PALS2: variants seen among roughly 807,000 people sequenced by gnomAD.
The protein encoded by PALS2 is protein PALS2.
In PALS2, 27 loss-of-function variants were observed where a neutral mutation model predicts 61.6. That is an observed-to-expected ratio of 0.44 (90% CI 0.32 to 0.60). PALS2 has a LOEUF of 0.60. Among genes scored for constraint, PALS2 ranks in the 20% least tolerant of loss-of-function variants. The pLI, the probability that PALS2 is intolerant of heterozygous loss-of-function variation, is 0.05. For synonymous variants in PALS2, 236 were observed against 218.6 expected (o/e 1.08, Z -0.70); for missense variants, 554 against 639.4 (o/e 0.87, Z 1.44).
intron 2 of PALS2, among the ~76,000 whole-genome samples, chr7:24,630,849 A>G (rs1055237353): frequency 1.3e-5 from 2 of 152,192 alleles, no homozygotes; most frequent in Non-Finnish European, 2.9e-5. Context: ...TGTGCTACAT[A>G]TTTTAATCCC....
rs1191064383 is a variant in PALS2, at chr7:24,575,125, C to T, written c.-3+1532C>T. Reference sequence around the variant, plus strand: ...TCCATGTTTCCTTCATTCTGGACTACGGTTACATAATACACAAATGGTAAC... The same window carrying T: ...TCCATGTTTCCTTCATTCTGGACTATGGTTACATAATACACAAATGGTAAC... On this transcript the variant is annotated intron_variant, in intron 1 of 11. Coordinates refer to ENST00000222644, the MANE Select transcript of PALS2 (RefSeq NM_001303037.2). Among the ~76,000 whole-genome samples, 4 of 152,132 alleles carry T rather than the reference C, an allele frequency of 2.6e-5. No homozygotes were observed. The South Asian group carries it at 8.3e-4, about 32-fold the overall frequency.
At chr7:24,587,777 TA>T (rs1459936549) in intron 1 of PALS2, among the ~76,000 whole-genome samples, 1 of 152,104 alleles carries the variant, frequency 6.6e-6, no homozygotes, top group Non-Finnish European at 1.5e-5. Context: ...TTCAATTTCA[TA>T]AAAGAACACT....
At chr7:24,682,621 TAAA>T (rs927393199) in intron 11 of PALS2, among the ~76,000 whole-genome samples, 21 of 152,202 alleles carry the variant, frequency 1.4e-4, no homozygotes, top group African/African-American at 4.6e-4. Flanking sequence ...TATAGTGTCT[TAAA>T]AAGTGTTGTT....
At chr7:24,665,979 C>T in intron 7 of PALS2, 42 bp from the exon 8 acceptor site, 5 of 1,549,588 alleles carry the variant, frequency 3.2e-6, no homozygotes, top group Admixed American at 1.8e-5. Context: ...TTTTCATATT[C>T]TGATATACTG....
At chr7:24,580,810 A>G (rs1583823352) in intron 1 of PALS2, among the ~76,000 whole-genome samples, 1 of 152,240 alleles carries the variant, frequency 6.6e-6, no homozygotes, top group African/African-American at 2.4e-5. Flanking sequence ...GCGTTTAGTC[A>G]TAGTTAATGC....
intron 9 of PALS2, among the ~76,000 whole-genome samples, chr7:24,678,683 C>T (rs1787753808): frequency 6.6e-6 from 1 of 152,140 alleles, no homozygotes; most frequent in Non-Finnish European, 1.5e-5. Context: ...TCACAACATG[C>T]CTCAAACACT....
chr7:24,684,993 G>A (rs1322108882), intron 11 of PALS2, among the ~76,000 whole-genome samples: 1 of 151,262 alleles, frequency 6.6e-6, no homozygotes, highest in Non-Finnish European at 1.5e-5. Context: ...TGTACAGGAT[G>A]TGCGGGTTTG....
chr7:24,573,757 A>AGGCGGC lies in PALS2; in HGVS notation c.-3+175_-3+180dup, dbSNP rs1310044823. ...GCGGGCGCGGGGAAGAGGGACCGGCAGGCGGCGGCGGCGGCGCCGCGGTCG... is the reference window on the plus strand; with the variant it reads ...GCGGGCGCGGGGAAGAGGGACCGGCAGGCGGCGGCGGCGGCGGCGGCGCCGCGGTCG... On this transcript the variant is annotated intron_variant, in intron 1 of 11. Transcript: ENST00000222644. This position sits in a 1 kb window ranked among gnomAD's most constrained non-coding sequence, Gnocchi z 5.3. Among the ~76,000 whole-genome samples the AGGCGGC allele has an allele frequency of 7.0e-6, 1 of 143,504 alleles. No individual in the cohort carries two copies. The highest frequency in any genetic ancestry group is 1.5e-5 in the Non-Finnish European group (1 of 64,698). 94.1% of individuals were successfully genotyped at this position (143,504 alleles called of 152,430 possible).
intron 2 of PALS2, among the ~76,000 whole-genome samples, chr7:24,630,036 A>G (rs1301298305): frequency 6.6e-6 from 1 of 152,240 alleles, no homozygotes; most frequent in Non-Finnish European, 1.5e-5. Flanking sequence ...ATGTATGTTT[A>G]TTGCAGCACT....
At chr7:24,685,652 T>G (rs1306686927) in intron 11 of PALS2, among the ~76,000 whole-genome samples, 1 of 145,042 alleles carries the variant, frequency 6.9e-6, no homozygotes, top group Non-Finnish European at 1.5e-5. Flanking sequence ...ACAGGGTTTT[T>G]TTTTTTTTTT....
chr7:24,610,200 C>T (rs1251199326), intron 1 of PALS2, among the ~76,000 whole-genome samples: 1 of 152,028 alleles, frequency 6.6e-6, no homozygotes, highest in African/African-American at 2.4e-5. Flanking sequence ...CATTGTCATT[C>T]CCCCATTTAA....
intron 1 of PALS2, among the ~76,000 whole-genome samples, chr7:24,615,420 AC>A (rs1290200098): frequency 3.9e-5 from 6 of 152,016 alleles, no homozygotes; most frequent in African/African-American, 1.4e-4. Flanking sequence ...AACTGATATT[AC>A]AGAAACACAA....
intron 1 of PALS2, among the ~76,000 whole-genome samples, chr7:24,613,772 CCT>C (rs1320956286): frequency 1.3e-5 from 2 of 151,828 alleles, no homozygotes; most frequent in African/African-American, 4.8e-5. Context: ...CCTCTAGTAA[CCT>C]CTGTTCTACT....
chr7:24,604,565 AT>A (rs1161048618), intron 1 of PALS2, among the ~76,000 whole-genome samples: 16 of 152,346 alleles, frequency 1.1e-4, no homozygotes, highest in Admixed American at 5.9e-4. Flanking sequence ...ACAGAAAAAA[AT>A]ATTTGAAGTA....
Position 24,680,473 on chromosome 7 carries a change from A to G in PALS2, c.1399A>G (p.Met467Val), listed in dbSNP as rs762267178. The G allele has an allele frequency of 1.9e-6, 3 of 1,613,998 alleles. No individual in the cohort carries two copies. In the African/African-American group the frequency reaches 4.0e-5, roughly 22 times the overall value. The change falls in exon 11 of 12, where the codon ATG becomes GTG. Residue 467 changes from methionine (M) to valine (V), a missense_variant. Transcript: ENST00000222644. ...TCCGGAGCTAGAGACGTTACGTGCC[A>G]TGCACAAGGCTGTGGTGGATGCAGG... ...AAPELETLRA[M>V]HKAVVDAGIT...
intron 1 of PALS2, among the ~76,000 whole-genome samples, chr7:24,580,504 A>G (rs1782799896): frequency 6.6e-6 from 1 of 152,178 alleles, no homozygotes; most frequent in Non-Finnish European, 1.5e-5. Flanking sequence ...CACATACCTC[A>G]TTGATCCCCA....
Position 24,618,947 on chromosome 7 carries a change from A to G in PALS2, c.-2-4719A>G, listed in dbSNP as rs945400688. 6.6e-6 allele frequency among the ~76,000 whole-genome samples: 1 copy of G among 151,690 alleles called. No individual in the cohort carries two copies. Among genetic ancestry groups the G allele is most frequent in the African/African-American group, 2.4e-5 (1 of 41,256 alleles). On this transcript the variant is annotated intron_variant, in intron 1 of 11. Coordinates refer to ENST00000222644, the MANE Select transcript of PALS2 (RefSeq NM_001303037.2). This position sits in a 1 kb window ranked among gnomAD's most constrained non-coding sequence, Gnocchi z 5.1. ...TACCGTCAGCCATCTTACTGACATCACTCTTCGTGTCTTGTCTTTTTTTGA... is the reference window on the plus strand; with the variant it reads ...TACCGTCAGCCATCTTACTGACATCGCTCTTCGTGTCTTGTCTTTTTTTGA...
chr7:24,679,992 A>G (rs892299974), intron 10 of PALS2, among the ~76,000 whole-genome samples: 12 of 152,122 alleles, frequency 7.9e-5, no homozygotes, highest in African/African-American at 2.9e-4. Context: ...TTTTTGTGGT[A>G]GTTACTGTAG....
rs953463490 is a variant in PALS2 at position 24,620,827 on chromosome 7, T to C, written c.-2-2839T>C. ...ATTTCTGGAATTTGCTTCAAAGTTA[T>C]ATAAGGTAGAAAGTATATAGGAGTG... On this transcript the variant is annotated intron_variant, in intron 1 of 11. Transcript: ENST00000222644. Among the ~76,000 whole-genome samples the C allele has an allele frequency of 1.2e-4, 18 of 152,176 alleles. 1 individual carries two copies. Among genetic ancestry groups the C allele is most frequent in the Admixed American group, 9.8e-4 (15 of 15,278 alleles).
Sources: gnomAD v4.1 joint callset for allele counts (sites outside exome capture counted in the v4.1 genomes callset) on GRCh38, gnomAD v4.1.1 for gene constraint, Gnocchi (gnomAD v3.1) non-coding constraint, MANE v1.5 for transcripts, NCBI Gene and HGNC (gene_info 2026-07-23, HGNC 2026-07-21) for gene names.